Variants in ST8SIA2 observed in about 807,000 individuals in gnomAD.
ST8SIA2 encodes the protein ST8 alpha-N-acetyl-neuraminide alpha-2,8-sialyltransferase 2, also known as alpha-2,8-sialyltransferase 8B.
ST8SIA2 carries 22 observed loss-of-function variants against 37.6 expected under a neutral mutation model. That is an observed-to-expected ratio of 0.58 (90% confidence interval 0.42 to 0.83). The LOEUF (loss-of-function observed/expected upper bound fraction) is 0.83, where lower values mean the gene tolerates loss of function less well. ST8SIA2 is among the 40% of genes least tolerant of loss of function. The pLI is 0.00. For missense variants in ST8SIA2, 382 were observed against 484.7 expected (o/e 0.79, Z 1.99); for synonymous variants, 205 against 201.2 (o/e 1.02, Z -0.16).
chr15:92,466,893 T>G lies in ST8SIA2; in HGVS notation c.*2508T>G, dbSNP rs978478108. On this transcript the variant is annotated 3_prime_UTR_variant, in exon 6 of 6. Transcript: ENST00000268164. ...TTCAGAGTTCAATTTGAGCCTCCAC[T>G]GCAGTTCCTGGTGTGGGCCAGCTGG... 2 of 152,416 alleles carry G rather than the reference T, an allele frequency of 1.3e-5. No individual in the cohort carries two copies. Among genetic ancestry groups the G allele is most frequent in the African/African-American group, 4.8e-5 (2 of 41,438 alleles). The allele number at this position is 152,416 out of a possible 1,614,324, so 9.4% of individuals were successfully genotyped here. A position where few individuals can be genotyped will look rare whatever the true frequency, so the allele number is the denominator to read the frequency against.
chr15:92,455,968 G>A (rs566298364), intron 5 of ST8SIA2, among the ~76,000 whole-genome samples: 1 of 152,362 alleles, frequency 6.6e-6, no homozygotes, highest in African/African-American at 2.4e-5. Context: ...AGTGGTATCT[G>A]ATTGTTGTTT....
intron 5 of ST8SIA2, among the ~76,000 whole-genome samples, chr15:92,448,402 G>C (rs987205043): frequency 6.6e-6 from 1 of 152,238 alleles, no homozygotes; most frequent in African/African-American, 2.4e-5. Context: ...TTCACTGCAA[G>C]TGGAGGAATG....
At chr15:92,440,764 C>T (rs1353873536) in intron 4 of ST8SIA2, among the ~76,000 whole-genome samples, 2 of 152,198 alleles carry the variant, frequency 1.3e-5, no homozygotes, top group African/African-American at 2.4e-5. Context: ...GAGTTTATTC[C>T]GTGCCCTGCA....
rs1463787670 is a variant in ST8SIA2 at position 92,467,265 on chromosome 15, C to T, written c.*2880C>T. The T allele has an allele frequency of 6.5e-6, 1 of 153,406 alleles. No individual in the cohort carries two copies. The highest frequency in any genetic ancestry group is 1.5e-5 in the Non-Finnish European group (1 of 68,176). 9.5% of individuals were successfully genotyped at this position (153,406 alleles called of 1,614,324 possible). The stretch of plus-strand genomic sequence containing the variant: ...CCACCAGTTAACGTTTCCTGTACAC[C>T]CTCACCCTCTCTCGTCCATCTCTGT... On this transcript the variant is annotated 3_prime_UTR_variant, in exon 6 of 6. Transcript: ENST00000268164.
rs766684400 is a variant in ST8SIA2, at chr15:92,438,519, C to A, written c.457C>A (p.His153Asn). 4 of 1,614,208 alleles carry A rather than the reference C, an allele frequency of 2.5e-6. No individual in the cohort carries two copies. The African/African-American group carries it at 5.3e-5, about 22-fold the overall frequency. ...CAGGACTTCGCCACTGAAGAATAAGCACTTTGGGACTTGTGCCATCGTGGG... is the reference window on the plus strand; with the variant it reads ...CAGGACTTCGCCACTGAAGAATAAGAACTTTGGGACTTGTGCCATCGTGGG... Reference protein sequence around the residue: ...LPRTSPLKNKHFGTCAIVGNS... With the variant: ...LPRTSPLKNKNFGTCAIVGNS... Residue 153 changes from histidine (H) to asparagine (N), a missense_variant, in exon 4 of 6, where the codon CAC (histidine) becomes AAC (asparagine). Physicochemically the swap from His to Asn is moderately conservative, Grantham distance 68 (BLOSUM62 1). Transcript: ENST00000268164.
chr15:92,416,196 G>A (rs955996089), intron 1 of ST8SIA2, among the ~76,000 whole-genome samples: 1 of 142,758 alleles, frequency 7.0e-6, no homozygotes, highest in African/African-American at 2.6e-5. Context: ...TCAGGTGGAC[G>A]AGCTCAAATC....
At position 92,466,336 on chromosome 15, in the gene ST8SIA2, G is replaced by A. The variant is rs1241965316; in HGVS notation, c.*1951G>A. 6.6e-6 allele frequency: 1 copy of A among 152,206 alleles called. No individual in the cohort carries two copies. Among genetic ancestry groups the A allele is most frequent in the Non-Finnish European group, 1.5e-5 (1 of 68,036 alleles). 9.4% of individuals were successfully genotyped at this position (152,206 alleles called of 1,614,324 possible). A position where few individuals can be genotyped will look rare whatever the true frequency, so the allele number is the denominator to read the frequency against. Reference sequence around the variant, plus strand: ...ATACCATATTTTATACATCTCCAGAGCCTTTCATCTTGAGGATCTCAAAGA... The same window carrying A: ...ATACCATATTTTATACATCTCCAGAACCTTTCATCTTGAGGATCTCAAAGA... On this transcript the variant is annotated 3_prime_UTR_variant, in exon 6 of 6. Transcript: ENST00000268164.
At chr15:92,455,454 C>T (rs59585859) in intron 5 of ST8SIA2, among the ~76,000 whole-genome samples, 19,255 of 152,156 alleles carry the variant, frequency 0.13, 1,596 homozygotes, top group East Asian at 0.42. Context: ...CCGCTCCGCA[C>T]CCCCTGTCCT....
chr15:92,424,616 CTT>C (rs1194844376), intron 1 of ST8SIA2, among the ~76,000 whole-genome samples: 42 of 140,950 alleles, frequency 3.0e-4, no homozygotes, highest in Non-Finnish European at 4.5e-4. Context: ...GTTTGACATT[CTT>C]TTTTTTTTTT....
At position 92,467,698 on chromosome 15, in the gene ST8SIA2, CCT is replaced by C; in HGVS notation, c.*3318_*3319del. 6.6e-6 allele frequency: 1 copy of C among 152,364 alleles called. No homozygotes were observed. Among genetic ancestry groups the C allele is most frequent in the Non-Finnish European group, 1.5e-5 (1 of 68,064 alleles). 9.4% of individuals were successfully genotyped at this position (152,364 alleles called of 1,614,324 possible). A position where few individuals can be genotyped will look rare whatever the true frequency, so the allele number is the denominator to read the frequency against. On this transcript the variant is annotated 3_prime_UTR_variant, in exon 6 of 6. Transcript: ENST00000268164. ...TCAAGGTAGATCTGACCAGTATTCC[CCT>C]CTCTTCTCCTTGTCCCACCACATGG...
chr15:92,404,186 C>T (rs2049491033), intron 1 of ST8SIA2, among the ~76,000 whole-genome samples: 1 of 152,204 alleles, frequency 6.6e-6, no homozygotes, highest in Admixed American at 6.5e-5. Flanking sequence ...AAGTTCTTGC[C>T]AGAGCTGGAT....
intron 5 of ST8SIA2, among the ~76,000 whole-genome samples, chr15:92,448,917 A>ACCCCCTGTT (rs1032789065): frequency 1.3e-5 from 2 of 150,056 alleles, no homozygotes; most frequent in African/African-American, 5.0e-5. Flanking sequence ...TACCCAATAA[A>ACCCCCTGTT]CCCCCTGTTT....
At chr15:92,451,162 C>A (rs542215482) in intron 5 of ST8SIA2, among the ~76,000 whole-genome samples, 12 of 152,328 alleles carry the variant, frequency 7.9e-5, no homozygotes, top group Non-Finnish European at 1.5e-4. Flanking sequence ...CACCCAGCAT[C>A]TAAGTGGCAC....
chr15:92,466,111 G>A lies in ST8SIA2; in HGVS notation c.*1726G>A, dbSNP rs2049990179. ...TGACCGGAAGGGATTGGAGGCGGCA[G>A]AACCATTAACCCTACACAAGAACAC... On this transcript the variant is annotated 3_prime_UTR_variant, in exon 6 of 6. Coordinates refer to ENST00000268164, the MANE Select transcript of ST8SIA2 (RefSeq NM_006011.4). 6.6e-6 allele frequency: 1 copy of A among 152,170 alleles called. No individual in the cohort carries two copies. The highest frequency in any genetic ancestry group is 6.5e-5 in the Admixed American group (1 of 15,286). 9.4% of individuals were successfully genotyped at this position (152,170 alleles called of 1,614,324 possible). A position where few individuals can be genotyped will look rare whatever the true frequency, so the allele number is the denominator to read the frequency against.
intron 1 of ST8SIA2, among the ~76,000 whole-genome samples, chr15:92,409,543 C>T (rs1002821352): frequency 1.3e-5 from 2 of 151,884 alleles, no homozygotes; most frequent in African/African-American, 4.8e-5. Flanking sequence ...ATTTTCCGCT[C>T]GATGATTCTT....
intron 3 of ST8SIA2, among the ~76,000 whole-genome samples, chr15:92,434,852 G>A (rs944636417): frequency 3.3e-5 from 5 of 152,170 alleles, no homozygotes; most frequent in Admixed American, 1.3e-4. Flanking sequence ...TGAAAACCTA[G>A]AGCCATAGGG....
chr15:92,418,181 T>C (rs894176618), intron 1 of ST8SIA2, among the ~76,000 whole-genome samples: 1 of 152,020 alleles, frequency 6.6e-6, no homozygotes, highest in Admixed American at 6.6e-5. Flanking sequence ...GGGCCTGGCA[T>C]GGTGGCTCAC....
At chr15:92,435,374 A>T (rs139102663) in intron 3 of ST8SIA2, among the ~76,000 whole-genome samples, 315 of 152,274 alleles carry the variant, frequency 2.1e-3, no homozygotes, top group African/African-American at 7.3e-3. Flanking sequence ...TCCCACATGC[A>T]CAGAGTCTGT....
chr15:92,445,342 A>G (rs894524669), intron 5 of ST8SIA2, among the ~76,000 whole-genome samples: 1 of 152,168 alleles, frequency 6.6e-6, no homozygotes, highest in Non-Finnish European at 1.5e-5. Flanking sequence ...ATCTCTTTAA[A>G]CTTTAGTTGC....
Sources: gnomAD v4.1 joint callset for allele counts (sites outside exome capture counted in the v4.1 genomes callset) on GRCh38, gnomAD v4.1.1 for gene constraint, MANE v1.5 for transcripts, NCBI Gene and HGNC (gene_info 2026-07-23, HGNC 2026-07-21) for gene names.